Variants in AGTPBP1 observed in about 807,000 individuals in gnomAD.
AGTPBP1 encodes the protein ATP/GTP binding carboxypeptidase 1.
Under a neutral mutation model 143.9 loss-of-function variants are expected in AGTPBP1, and 70 were observed. The ratio of observed to expected loss-of-function variants is 0.49; its 90% CI spans 0.40 to 0.59. The LOEUF (loss-of-function observed/expected upper bound fraction) is 0.59. AGTPBP1 is among the 20% of genes least tolerant of loss of function. The pLI, the probability that AGTPBP1 is intolerant of heterozygous loss-of-function variation, is 0.00. For synonymous variants in AGTPBP1, 463 were observed against 500.2 expected (o/e 0.93, Z 0.99); for missense variants, 1,229 against 1,464.5 (o/e 0.84, Z 2.62).
chr9:85,683,894 A>C (rs1835338969), intron 3 of AGTPBP1, among the ~76,000 whole-genome samples: 1 of 152,100 alleles, frequency 6.6e-6, no homozygotes, highest in Admixed American at 6.5e-5. Flanking sequence ...TTCCCACAGT[A>C]TCAGTCCCCT....
intron 6 of AGTPBP1, among the ~76,000 whole-genome samples, chr9:85,675,518 C>T (rs1834770999): frequency 6.6e-6 from 1 of 152,114 alleles, no homozygotes; most frequent in African/African-American, 2.4e-5. Flanking sequence ...CATATTTTAC[C>T]TCCATGTTTT....
At chr9:85,588,271 A>G in intron 21 of AGTPBP1, 27 bp downstream of exon 21, 5 of 1,553,538 alleles carry the variant, frequency 3.2e-6, no homozygotes, top group African/African-American at 1.4e-5. Flanking sequence ...GGTCTTGAAT[A>G]TATTCTACAA....
intron 3 of AGTPBP1, among the ~76,000 whole-genome samples, chr9:85,683,326 T>A (rs1026341058): frequency 6.6e-6 from 1 of 152,172 alleles, no homozygotes; most frequent in African/African-American, 2.4e-5. Context: ...AAATAAAACA[T>A]TGTTTCAAAT....
At chr9:85,681,580 C>A (rs927252826) in intron 3 of AGTPBP1, among the ~76,000 whole-genome samples, 4 of 151,994 alleles carry the variant, frequency 2.6e-5, no homozygotes, top group Non-Finnish European at 4.4e-5. Context: ...GATTCCTATT[C>A]ATCCATTTAA....
the AGTPBP1 span, among the ~76,000 whole-genome samples, chr9:85,758,656 T>G: frequency 6.6e-6 from 1 of 151,712 alleles, no homozygotes; most frequent in Non-Finnish European, 1.5e-5. Flanking sequence ...ACAAAAAGGG[T>G]CAGAGGATAA....
chr9:85,638,011 A>G (rs1403909318), intron 13 of AGTPBP1, among the ~76,000 whole-genome samples: 1 of 152,220 alleles, frequency 6.6e-6, no homozygotes, highest in African/African-American at 2.4e-5. Flanking sequence ...GTAAGTCTAC[A>G]CTAAACATAA....
intron 1 of AGTPBP1, among the ~76,000 whole-genome samples, chr9:85,727,133 C>A (rs777242149): frequency 2.0e-5 from 3 of 152,052 alleles, no homozygotes; most frequent in African/African-American, 4.8e-5. Context: ...TCGAAACCAG[C>A]CTGGCCAATA....
Position 85,578,912 on chromosome 9 carries a change from T to C in AGTPBP1, c.3342+8A>G. The C allele has an allele frequency of 6.2e-7, 1 of 1,610,790 alleles. No individual in the cohort carries two copies. The highest frequency in any genetic ancestry group is 2.2e-5 in the East Asian group (1 of 44,580). ...TCTTTCATGGTTAGAAAACCTAAGA[T>C]GTTTTACCTTGTATTTTCCCTGATC... On this transcript the variant is annotated splice_region_variant and intron_variant, in intron 24 of 25. Coordinates refer to ENST00000357081, the MANE Select transcript of AGTPBP1 (RefSeq NM_001330701.2).
chr9:85,695,891 G>C (rs565697306), intron 2 of AGTPBP1, among the ~76,000 whole-genome samples: 1 of 151,622 alleles, frequency 6.6e-6, no homozygotes, highest in African/African-American at 2.4e-5. Flanking sequence ...GCCCAGGCTG[G>C]AGTACAGTGG....
At chr9:85,548,645 G>T (rs1825858321) in intron 25 of AGTPBP1, among the ~76,000 whole-genome samples, 1 of 151,430 alleles carries the variant, frequency 6.6e-6, no homozygotes, top group Admixed American at 6.6e-5. Context: ...TAGATTAAAA[G>T]AAATGATTAT....
chr9:85,792,210 C>A, the AGTPBP1 span: 4 of 152,188 alleles, frequency 2.6e-5, no homozygotes, highest in Non-Finnish European at 5.9e-5. Context: ...TAATTTTATT[C>A]ATTTTCATTT....
intron 15 of AGTPBP1, among the ~76,000 whole-genome samples, chr9:85,620,639 GT>G (rs1404400862): frequency 6.6e-6 from 1 of 152,028 alleles, no homozygotes; most frequent in African/African-American, 2.4e-5. Context: ...GATGATATCA[GT>G]GACAATCCTA....
chr9:85,617,977 C>T (rs1423948323), intron 17 of AGTPBP1, among the ~76,000 whole-genome samples: 1 of 152,194 alleles, frequency 6.6e-6, no homozygotes, highest in Non-Finnish European at 1.5e-5. Context: ...CACTGGCTCA[C>T]ACCTGCAATC....
rs1224342148 is a variant in AGTPBP1, at chr9:85,579,183, CA to C, written c.3166-88del. ...ATTTTAAAAAGTTTTGATGAAAACA[CA>C]GTAATTAGAGCAAAGCCATGTGGAT... On this transcript the variant is annotated intron_variant, in intron 23 of 25. Transcript: ENST00000357081. 2.2e-5 allele frequency: 29 copies of C among 1,341,984 alleles called. No homozygotes were observed. The Admixed American group carries it at 5.8e-4, about 27-fold the overall frequency. 83.1% of individuals were successfully genotyped at this position (1,341,984 alleles called of 1,614,324 possible).
At chr9:85,678,448 A>G in intron 4 of AGTPBP1, 50 bp from the exon 5 acceptor site, 5 of 1,272,194 alleles carry the variant, frequency 3.9e-6, no homozygotes, top group Non-Finnish European at 5.5e-6. Flanking sequence ...TTTGATTCCC[A>G]GACTTTTGAA....
At chr9:85,579,581 TTG>T (rs34698411) in intron 23 of AGTPBP1, among the ~76,000 whole-genome samples, 8,667 of 143,752 alleles carry the variant, frequency 0.06, 893 homozygotes, top group African/African-American at 0.21. Flanking sequence ...CCCTGAGAAA[TTG>T]TGTGTGTGTG....
At chr9:85,649,546 T>A (rs914662559) in intron 11 of AGTPBP1, among the ~76,000 whole-genome samples, 5 of 152,194 alleles carry the variant, frequency 3.3e-5, no homozygotes, top group African/African-American at 1.2e-4. Context: ...TCTCACTCTT[T>A]TAACGGTTAA....
chr9:85,710,167 T>C (rs1313493332), intron 2 of AGTPBP1, among the ~76,000 whole-genome samples: 1 of 152,150 alleles, frequency 6.6e-6, no homozygotes. Context: ...AGAATAGGGC[T>C]CTTTTTTTTA....
intron 9 of AGTPBP1, among the ~76,000 whole-genome samples, chr9:85,660,148 C>T (rs1175952957): frequency 6.6e-6 from 1 of 151,690 alleles, no homozygotes; most frequent in Non-Finnish European, 1.5e-5. Context: ...CCCTGACAGA[C>T]AGTTCTTGAT....
Sources: gnomAD v4.1 joint callset for allele counts (sites outside exome capture counted in the v4.1 genomes callset) on GRCh38, gnomAD v4.1.1 for gene constraint, MANE v1.5 for transcripts, NCBI Gene and HGNC (gene_info 2026-07-23, HGNC 2026-07-21) for gene names.